CAMK1D: variants seen among roughly 807,000 people sequenced by gnomAD.
CAMK1D encodes the protein calcium/calmodulin-dependent protein kinase type 1D.
CAMK1D carries 9 observed loss-of-function variants against 47.7 expected under a neutral mutation model. That is an observed-to-expected ratio of 0.19 (90% confidence interval 0.11 to 0.33). The LOEUF (loss-of-function observed/expected upper bound fraction) is 0.33. CAMK1D is among the 10% of genes least tolerant of loss of function. CAMK1D has a pLI of 1.00. For synonymous variants in CAMK1D, 184 were observed against 184.9 expected (o/e 0.99, Z 0.04); for missense variants, 291 against 488.7 (o/e 0.60, Z 3.81).
At chr10:12,395,182 C>G (rs2131899685) in intron 1 of CAMK1D, among the ~76,000 whole-genome samples, 1 of 151,444 alleles carries the variant, frequency 6.6e-6, no homozygotes, top group African/African-American at 2.4e-5. Context: ...AGCAGTCCTC[C>G]CACCTCAGTC....
At chr10:12,763,254 C>T (rs1836587372) in intron 4 of CAMK1D, among the ~76,000 whole-genome samples, 2 of 152,070 alleles carry the variant, frequency 1.3e-5, no homozygotes, top group African/African-American at 2.4e-5. Context: ...ACTAAATTTG[C>T]GTAAACAGCT....
intron 1 of CAMK1D, among the ~76,000 whole-genome samples, chr10:12,515,998 G>A (rs570101096): frequency 2.0e-4 from 31 of 152,200 alleles, no homozygotes; most frequent in African/African-American, 6.0e-4. Context: ...CATCCATGTC[G>A]TTGCATGTAT....
intron 5 of CAMK1D, among the ~76,000 whole-genome samples, chr10:12,772,209 T>C (rs971770596): frequency 2.6e-5 from 4 of 152,012 alleles, no homozygotes; most frequent in African/African-American, 9.7e-5. Flanking sequence ...TCATGGAATT[T>C]CTCCAGCTCG....
intron 3 of CAMK1D, among the ~76,000 whole-genome samples, chr10:12,710,761 A>G (rs1384735302): frequency 6.6e-6 from 1 of 152,214 alleles, no homozygotes; most frequent in Admixed American, 6.5e-5. Context: ...ACTAAGAACA[A>G]ATAACTAATC....
chr10:12,546,752 G>T (rs983256984), intron 1 of CAMK1D, among the ~76,000 whole-genome samples: 1 of 147,812 alleles, frequency 6.8e-6, no homozygotes, highest in African/African-American at 2.5e-5. Flanking sequence ...TAGGTGGGAA[G>T]TGAACAATGA....
chr10:12,734,106 T>C (rs1835020391), intron 3 of CAMK1D, among the ~76,000 whole-genome samples: 1 of 151,160 alleles, frequency 6.6e-6, no homozygotes, highest in Non-Finnish European at 1.5e-5. Flanking sequence ...GGCGCGTGGA[T>C]CACTTGAGGT....
chr10:12,746,398 T>C (rs1835683502), intron 3 of CAMK1D, among the ~76,000 whole-genome samples: 1 of 151,720 alleles, frequency 6.6e-6, no homozygotes, highest in South Asian at 2.1e-4. Flanking sequence ...ATCTCAAATC[T>C]GTCCACTTGA....
intron 7 of CAMK1D, among the ~76,000 whole-genome samples, chr10:12,814,864 G>A (rs1337490180): frequency 6.6e-6 from 1 of 152,232 alleles, no homozygotes; most frequent in Non-Finnish European, 1.5e-5. Context: ...GGACAAGCTT[G>A]GGACATCTGG....
chr10:12,669,663 A>T (rs975687837), intron 3 of CAMK1D, among the ~76,000 whole-genome samples: 1 of 151,946 alleles, frequency 6.6e-6, no homozygotes, highest in African/African-American at 2.4e-5. Context: ...GCCACTCAAG[A>T]CCCCTTCGAC....
At chr10:12,476,021 G>T (rs1833891391) in intron 1 of CAMK1D, among the ~76,000 whole-genome samples, 1 of 152,008 alleles carries the variant, frequency 6.6e-6, no homozygotes, top group South Asian at 2.1e-4. Context: ...GGCCGGGTGG[G>T]GTGGCTCATG....
At chr10:12,425,918 T>A (rs1032581613) in intron 1 of CAMK1D, among the ~76,000 whole-genome samples, 2 of 152,230 alleles carry the variant, frequency 1.3e-5, no homozygotes, top group Non-Finnish European at 2.9e-5. Flanking sequence ...CATGCACTGG[T>A]GGAAGAACTG....
intron 1 of CAMK1D, among the ~76,000 whole-genome samples, chr10:12,547,657 C>T (rs1453942323): frequency 1.4e-5 from 1 of 72,190 alleles, no homozygotes; most frequent in East Asian, 3.7e-4. Context: ...CCCAACCCTG[C>T]ACTCTCTCTC....
intron 1 of CAMK1D, among the ~76,000 whole-genome samples, chr10:12,544,362 T>C (rs532224569): frequency 6.6e-6 from 1 of 152,256 alleles, no homozygotes; most frequent in Non-Finnish European, 1.5e-5. Context: ...CCCACAGTTA[T>C]GCATTTTATA....
At chr10:12,652,164 CT>C (rs1158914728) in intron 2 of CAMK1D, among the ~76,000 whole-genome samples, 1 of 152,092 alleles carries the variant, frequency 6.6e-6, no homozygotes, top group Non-Finnish European at 1.5e-5. Context: ...GGGAAGAAAG[CT>C]TTTAATTTCA....
intron 1 of CAMK1D, among the ~76,000 whole-genome samples, chr10:12,461,954 A>G (rs1833439193): frequency 6.7e-6 from 1 of 150,328 alleles, no homozygotes; most frequent in Non-Finnish European, 1.5e-5. Context: ...CTTCTCTCGG[A>G]TCCACTTCAC....
intron 1 of CAMK1D, among the ~76,000 whole-genome samples, chr10:12,393,998 G>T (rs143618099): frequency 6.6e-6 from 1 of 152,258 alleles, no homozygotes; most frequent in Non-Finnish European, 1.5e-5. Context: ...CCACAAGACC[G>T]CTCCCGACAC....
At chr10:12,736,923 C>T (rs1366452700) in intron 3 of CAMK1D, among the ~76,000 whole-genome samples, 1 of 152,188 alleles carries the variant, frequency 6.6e-6, no homozygotes, top group Non-Finnish European at 1.5e-5. Context: ...TCTGTTGGTT[C>T]CTCTTCTGCT....
intron 6 of CAMK1D, among the ~76,000 whole-genome samples, chr10:12,813,880 C>T (rs1309719637): frequency 2.0e-5 from 3 of 151,904 alleles, no homozygotes; most frequent in Non-Finnish European, 4.4e-5. Context: ...CCTTGAGGCT[C>T]TCCCACCTCA....
chr10:12,764,108 C>T (rs901293218), intron 4 of CAMK1D, among the ~76,000 whole-genome samples: 1 of 152,174 alleles, frequency 6.6e-6, no homozygotes, highest in African/African-American at 2.4e-5. Flanking sequence ...TGGCTGGGCG[C>T]GGAGGCTCAC....
Sources: gnomAD v4.1 joint callset for allele counts (sites outside exome capture counted in the v4.1 genomes callset) on GRCh38, gnomAD v4.1.1 for gene constraint, MANE v1.5 for transcripts, NCBI Gene and HGNC (gene_info 2026-07-23, HGNC 2026-07-21) for gene names.